Variants in IGSF11 observed in about 807,000 individuals in gnomAD.
The protein encoded by IGSF11 is CXADR like 1.
Under a neutral mutation model 41.0 loss-of-function variants are expected in IGSF11, and 22 were observed. That is an observed-to-expected ratio of 0.54 (90% CI 0.38 to 0.77). The LOEUF (loss-of-function observed/expected upper bound fraction) is 0.77, where lower values mean the gene tolerates loss of function less well. Among genes scored for constraint, IGSF11 ranks in the 30% least tolerant of loss-of-function variants. The probability of loss-of-function intolerance (pLI) is 0.00; values close to 1 mark genes in which losing one functional copy is unlikely to be tolerated. For synonymous variants in IGSF11, 219 were observed against 201.3 expected, an observed-to-expected ratio of 1.09 and a Z score of -0.74; for missense variants, 444 against 530.8, an observed-to-expected ratio of 0.84 and a Z score of 1.61.
At chr3:119,112,400 T>A (rs1004296818) in intron 1 of IGSF11, among the ~76,000 whole-genome samples, 3 of 152,176 alleles carry the variant, frequency 2.0e-5, no homozygotes, top group Non-Finnish European at 4.4e-5. Flanking sequence ...CTCCGAGCCA[T>A]GTGCGGGATA....
intron 1 of IGSF11, among the ~76,000 whole-genome samples, chr3:118,939,076 T>A (rs955873068): frequency 6.6e-6 from 1 of 152,130 alleles, no homozygotes. Flanking sequence ...GAACTTAACA[T>A]AAATGAAAAC....
intron 1 of IGSF11, among the ~76,000 whole-genome samples, chr3:119,033,292 T>C (rs1940593127): frequency 6.6e-6 from 1 of 152,204 alleles, no homozygotes; most frequent in Non-Finnish European, 1.5e-5. Context: ...CGATTTACTC[T>C]CTTATTTCAC....
chr3:119,095,005 G>A (rs2076827354), intron 1 of IGSF11, among the ~76,000 whole-genome samples: 1 of 151,842 alleles, frequency 6.6e-6, no homozygotes, highest in Non-Finnish European at 1.5e-5. Flanking sequence ...CATAAAGGAA[G>A]GAGTTCTGTA....
chr3:119,034,826 A>ACCCAGCCCTGCCCCAGGACTAG lies in IGSF11; in HGVS notation c.-245_-244insCTAGTCCTGGGGCAGGGCTGGG. 1.6e-6 allele frequency: 2 copies of ACCCAGCCCTGCCCCAGGACTAG among 1,250,496 alleles called. No individual in the cohort carries two copies. The highest frequency in any genetic ancestry group is 2.0e-6 in the Non-Finnish European group (2 of 997,140). 77.5% of individuals were successfully genotyped at this position (1,250,496 alleles called of 1,614,324 possible). A position where few individuals can be genotyped will look rare whatever the true frequency, so the allele number is the denominator to read the frequency against. On this transcript the variant is annotated 5_prime_UTR_variant, in exon 1 of 7. Coordinates refer to ENST00000393775, the MANE Select transcript of IGSF11 (RefSeq NM_001015887.3). ...GCGTTCCGGGCTCGCCAGCCGTGCC[A>ACCCAGCCCTGCCCCAGGACTAG]CCCAGCCCTGCCCCAGGACTAGCCG... is the stretch of plus-strand genomic sequence containing the variant.
intron 4 of IGSF11, among the ~76,000 whole-genome samples, chr3:118,910,201 T>C (rs1162460359): frequency 6.6e-6 from 1 of 152,192 alleles, no homozygotes; most frequent in Non-Finnish European, 1.5e-5. Context: ...GCACATGGTG[T>C]TCAAGAAATG....
At chr3:119,031,251 C>A (rs1940368759) in intron 1 of IGSF11, among the ~76,000 whole-genome samples, 1 of 146,730 alleles carries the variant, frequency 6.8e-6, no homozygotes, top group East Asian at 2.0e-4. Flanking sequence ...AAGCCAGACT[C>A]CATCTCAAAT....
intron 1 of IGSF11, among the ~76,000 whole-genome samples, chr3:119,117,981 T>C (rs1347223594): frequency 2.0e-5 from 3 of 152,236 alleles, no homozygotes; most frequent in Admixed American, 1.3e-4. Flanking sequence ...TGGGTTCCCA[T>C]GGTCTTGGAC....
At chr3:119,089,429 CA>C (rs2076728176) in intron 1 of IGSF11, among the ~76,000 whole-genome samples, 1 of 151,996 alleles carries the variant, frequency 6.6e-6, no homozygotes, top group Admixed American at 6.6e-5. Context: ...AAACATACCT[CA>C]AAAAAACAAG....
In IGSF11 at chr3:118,963,072, T is replaced by C. The variant is rs1183083019; in HGVS notation, c.53-32797A>G. ...CACACTGCCCACTCTAGGTGAGCCATAGTGGAAATCTCTGGGCTCTGGTGA... is the reference window on the plus strand; with the variant it reads ...CACACTGCCCACTCTAGGTGAGCCACAGTGGAAATCTCTGGGCTCTGGTGA... On this transcript the variant is annotated intron_variant, in intron 1 of 6. Transcript: ENST00000393775. Among the ~76,000 whole-genome samples the C allele has an allele frequency of 2.0e-5, 3 of 152,126 alleles. No individual in the cohort carries two copies. In the East Asian group the frequency reaches 5.8e-4, roughly 29 times the overall value.
rs1468676629 is a variant in IGSF11, at chr3:118,905,595, C to T, written c.703+1G>A. 3.1e-6 allele frequency: 5 copies of T among 1,613,682 alleles called. No homozygotes were observed. The highest frequency in any genetic ancestry group is 2.2e-5 in the East Asian group (1 of 44,880). On this transcript the variant is annotated splice_donor_variant, in intron 5 of 6. Transcript: ENST00000393775. LOFTEE classifies it high-confidence loss of function. The stretch of plus-strand genomic sequence containing the variant: ...TGACATCAGAATTTCCATATGCTTA[C>T]GTGAAATAACCTGGAGATCCAGAAG...
At chr3:119,078,702 A>G (rs1188758204) in intron 1 of IGSF11, among the ~76,000 whole-genome samples, 3 of 152,144 alleles carry the variant, frequency 2.0e-5, no homozygotes, top group Non-Finnish European at 4.4e-5. Flanking sequence ...CAACAAAAAG[A>G]AAAATTGAAA....
chr3:118,991,259 A>T (rs1935766638), intron 1 of IGSF11, among the ~76,000 whole-genome samples: 1 of 152,168 alleles, frequency 6.6e-6, no homozygotes, highest in Admixed American at 6.5e-5. Context: ...TAACCATAAC[A>T]CATACAGGGA....
intron 1 of IGSF11, among the ~76,000 whole-genome samples, chr3:119,043,883 A>C (rs1218771255): frequency 6.6e-6 from 1 of 152,188 alleles, no homozygotes; most frequent in Non-Finnish European, 1.5e-5. Flanking sequence ...CCAAAGGATC[A>C]CCTCATGGGA....
At chr3:119,111,654 G>C (rs2077163309) in intron 1 of IGSF11, among the ~76,000 whole-genome samples, 1 of 152,232 alleles carries the variant, frequency 6.6e-6, no homozygotes, top group Admixed American at 6.5e-5. Flanking sequence ...TCCTTTGGAG[G>C]AGGAGAGGCG....
At chr3:119,040,579 A>AT (rs1157721082) in intron 1 of IGSF11, among the ~76,000 whole-genome samples, 1 of 152,062 alleles carries the variant, frequency 6.6e-6, no homozygotes, top group Non-Finnish European at 1.5e-5. Flanking sequence ...TCCCCGTTGT[A>AT]TTTTTTCTTA....
intron 1 of IGSF11, among the ~76,000 whole-genome samples, chr3:119,085,710 C>A (rs781618467): frequency 6.6e-6 from 1 of 152,160 alleles, no homozygotes; most frequent in Non-Finnish European, 1.5e-5. Flanking sequence ...AACTGAACTT[C>A]TTGAGCTGAA....
chr3:119,122,225 A>G (rs2077342949), intron 1 of IGSF11, among the ~76,000 whole-genome samples: 2 of 152,212 alleles, frequency 1.3e-5, no homozygotes, highest in African/African-American at 4.8e-5. Context: ...CATGGCATGG[A>G]AAATCTGTGC....
chr3:118,946,411 A>T (rs1944144742), intron 1 of IGSF11, among the ~76,000 whole-genome samples: 1 of 151,812 alleles, frequency 6.6e-6, no homozygotes, highest in African/African-American at 2.4e-5. Flanking sequence ...AGCACTTTAC[A>T]ACAGATTTAA....
chr3:118,992,030 A>G (rs1195687803), intron 1 of IGSF11, among the ~76,000 whole-genome samples: 1 of 152,244 alleles, frequency 6.6e-6, no homozygotes, highest in Admixed American at 6.5e-5. Context: ...GTCCACAAAC[A>G]GAAGGCTTCT....
Sources: allele counts gnomAD v4.1 joint callset (sites outside exome capture counted in the v4.1 genomes callset), GRCh38; gene constraint gnomAD v4.1.1; transcripts MANE v1.5; gene names NCBI Gene and HGNC (gene_info 2026-07-23, HGNC 2026-07-21).